Variants in ZFHX3 observed in about 807,000 individuals in gnomAD.
ZFHX3 encodes zinc finger homeobox protein 3.
ZFHX3 carries 42 observed loss-of-function variants against 279.1 expected under a neutral mutation model. That is an observed-to-expected ratio of 0.15 (90% CI 0.12 to 0.19). The LOEUF is 0.19. Among genes scored for constraint, ZFHX3 ranks in the 10% least tolerant of loss-of-function variants. The pLI is 1.00. For synonymous variants in ZFHX3, 2,293 were observed against 1,957.8 expected, an observed-to-expected ratio of 1.17 and a Z score of -4.52; for missense variants, 4,981 against 4,754.0, an observed-to-expected ratio of 1.05 and a Z score of -1.40.
intron 7 of ZFHX3, among the ~76,000 whole-genome samples, chr16:72,802,405 A>G (rs979761374): frequency 3.9e-5 from 6 of 152,000 alleles, no homozygotes; most frequent in African/African-American, 9.7e-5. Flanking sequence ...CCATCAATTA[A>G]CTCTCCCCGA....
At chr16:73,095,111 A>G (rs947598839) in intron 7 of ZFHX3, among the ~76,000 whole-genome samples, 2 of 152,082 alleles carry the variant, frequency 1.3e-5, no homozygotes, top group African/African-American at 4.8e-5. Context: ...TTAAATAGAG[A>G]CAAGGGTCTT....
intron 3 of ZFHX3, among the ~76,000 whole-genome samples, chr16:73,417,784 A>G (rs955657447): frequency 6.6e-6 from 1 of 151,662 alleles, no homozygotes; most frequent in South Asian, 2.1e-4. Context: ...CATCCTGGCT[A>G]ACACAGTGAA....
chr16:73,696,193 T>C (rs933603367), intron 1 of ZFHX3, among the ~76,000 whole-genome samples: 3 of 152,196 alleles, frequency 2.0e-5, no homozygotes, highest in Non-Finnish European at 2.9e-5. Flanking sequence ...GTTTGTCCTA[T>C]GCTGGCCAAG....
At chr16:73,426,777 T>A (rs191692288) in intron 3 of ZFHX3, among the ~76,000 whole-genome samples, 1 of 152,292 alleles carries the variant, frequency 6.6e-6, no homozygotes, top group East Asian at 1.9e-4. Context: ...AGTCACTGCA[T>A]ACTCAAAAGA....
intron 4 of ZFHX3, among the ~76,000 whole-genome samples, chr16:72,865,285 A>G (rs902804022): frequency 6.6e-6 from 1 of 152,206 alleles, no homozygotes. Context: ...GAAGAGACCA[A>G]TGGGAAAAGG....
At chr16:73,270,870 G>A (rs1334889553) in intron 4 of ZFHX3, among the ~76,000 whole-genome samples, 1 of 152,168 alleles carries the variant, frequency 6.6e-6, no homozygotes, top group African/African-American at 2.4e-5. Context: ...GTATGGAGGG[G>A]AAGAAGCCAG....
chr16:73,117,251 A>G (rs781739238), intron 7 of ZFHX3, among the ~76,000 whole-genome samples: 21 of 151,972 alleles, frequency 1.4e-4, no homozygotes, highest in Non-Finnish European at 2.8e-4. Flanking sequence ...TCAACAGAAT[A>G]GAAACTATTA....
intron 8 of ZFHX3, among the ~76,000 whole-genome samples, chr16:73,091,724 T>C (rs1037099201): frequency 6.6e-6 from 1 of 152,210 alleles, no homozygotes; most frequent in Non-Finnish European, 1.5e-5. Flanking sequence ...CATTCAGAAA[T>C]TCGCAAAATA....
intron 1 of ZFHX3, among the ~76,000 whole-genome samples, chr16:73,773,540 A>G (rs79118426): frequency 6.6e-6 from 1 of 152,322 alleles, no homozygotes; most frequent in African/African-American, 2.4e-5. Flanking sequence ...AGTGGATGAG[A>G]GAAACAATTA....
chr16:72,973,033 A>T (rs1173483929), intron 1 of ZFHX3, among the ~76,000 whole-genome samples: 1 of 152,150 alleles, frequency 6.6e-6, no homozygotes, highest in African/African-American at 2.4e-5. Flanking sequence ...TGCGGTTTCA[A>T]TTACTGAAAT....
At chr16:73,391,137 C>A (rs542995072) in intron 3 of ZFHX3, among the ~76,000 whole-genome samples, 5 of 152,318 alleles carry the variant, frequency 3.3e-5, no homozygotes, top group African/African-American at 1.2e-4. Flanking sequence ...CCACCTTGGG[C>A]GGACAGGCCC....
chr16:73,197,428 GTTGT>G (rs932365277), intron 5 of ZFHX3, among the ~76,000 whole-genome samples: 2 of 152,162 alleles, frequency 1.3e-5, no homozygotes, highest in Non-Finnish European at 2.9e-5. Context: ...TCTGTTGTCT[GTTGT>G]ATTTTTCATC....
rs1555515530 is a variant in ZFHX3, at chr16:72,788,006, G to C, written c.10270C>G (p.Gln3424Glu). ...PAKESPKPEE[Q>E]KNTPREVSPL... The stretch of plus-strand genomic sequence containing the variant: ...GACACCTCACGGGGGGTGTTTTTCT[G>C]TTCTTCTGGTTTGGGGGATTCTTTG... Residue 3424 changes from glutamine to glutamate, a missense_variant, in exon 10 of 10, where the codon CAG becomes GAG. By Grantham distance (29) the Gln-to-Glu change is conservative (BLOSUM62 2). Transcript: ENST00000268489. 40 of 1,613,398 alleles carry C rather than the reference G, an allele frequency of 2.5e-5. No individual in the cohort carries two copies. The South Asian group carries it at 4.2e-4, about 17-fold the overall frequency.
chr16:72,958,472 A>C lies in ZFHX3; in HGVS notation c.1674T>G (p.Phe558Leu), dbSNP rs761932565. The change falls in exon 2 of 10, where the codon TTT becomes TTG. Residue 558 changes from phenylalanine (F) to leucine (L), a missense_variant. This residue lies in a region of ZFHX3 where 1,068 missense variants were observed against 935.2 expected (regional missense o/e 1.14). Coordinates refer to ENST00000268489, the MANE Select transcript of ZFHX3 (RefSeq NM_006885.4). ...ASTSSNSASSFVVFDGANRRN... is the reference protein window; with the variant it reads ...ASTSSNSASSLVVFDGANRRN... Reference sequence around the variant, plus strand: ...TCCTGTTCGCACCATCAAAGACAACAAAGGAAGAAGCAGAATTAGAACTAG... The same window carrying C: ...TCCTGTTCGCACCATCAAAGACAACCAAGGAAGAAGCAGAATTAGAACTAG... 1.1e-5 allele frequency: 17 copies of C among 1,614,036 alleles called. No homozygotes were observed. The highest frequency in any genetic ancestry group is 1.7e-5 in the Admixed American group (1 of 60,006).
intron 2 of ZFHX3, among the ~76,000 whole-genome samples, chr16:73,563,578 A>C (rs1009466180): frequency 6.6e-6 from 1 of 152,118 alleles, no homozygotes; most frequent in African/African-American, 2.4e-5. Flanking sequence ...AATAATCTAC[A>C]GTATTAGGGA....
chr16:73,572,690 G>A (rs557034020), intron 2 of ZFHX3, among the ~76,000 whole-genome samples: 20 of 152,282 alleles, frequency 1.3e-4, no homozygotes, highest in African/African-American at 4.8e-4. Context: ...CACGGGATTC[G>A]ATGCCTTGTG....
intron 8 of ZFHX3, among the ~76,000 whole-genome samples, chr16:73,084,021 T>C (rs148256614): frequency 6.6e-6 from 1 of 152,286 alleles, no homozygotes; most frequent in African/African-American, 2.4e-5. Flanking sequence ...ACATTTCTAG[T>C]AGTGACAACC....
chr16:73,151,171 C>T (rs1018155041), intron 5 of ZFHX3, among the ~76,000 whole-genome samples: 1 of 152,062 alleles, frequency 6.6e-6, no homozygotes, highest in Non-Finnish European at 1.5e-5. Context: ...TTGCTAAGGG[C>T]GACCAAATCC....
intron 3 of ZFHX3, among the ~76,000 whole-genome samples, chr16:73,451,894 T>G (rs1242171850): frequency 2.0e-5 from 3 of 152,226 alleles, no homozygotes; most frequent in Non-Finnish European, 4.4e-5. Flanking sequence ...AGCCCAACTT[T>G]CTTCTTGAAA....
Sources: allele counts gnomAD v4.1 joint callset (sites outside exome capture counted in the v4.1 genomes callset), GRCh38; gene constraint gnomAD v4.1.1; regional missense constraint gnomAD v4.1.1; transcripts MANE v1.5; gene names NCBI Gene and HGNC (gene_info 2026-07-23, HGNC 2026-07-21).